Variants in CA10 observed in about 807,000 individuals in gnomAD.
The protein encoded by CA10 is carbonic anhydrase 10 (inactive).
A neutral mutation model predicts 44.2 loss-of-function variants in CA10; 14 were observed. The observed-to-expected ratio is 0.32, with a 90% CI of 0.21 to 0.50. CA10 has a LOEUF of 0.50. Among genes scored for constraint, CA10 ranks in the 20% least tolerant of loss-of-function variants. The pLI is 0.99. For missense variants in CA10, 350 were observed against 409.7 expected (o/e 0.85, Z 1.26); for synonymous variants, 159 against 141.6 (o/e 1.12, Z -0.87).
At chr17:51,802,067 G>A (rs2143719484) in intron 3 of CA10, among the ~76,000 whole-genome samples, 1 of 152,304 alleles carries the variant, frequency 6.6e-6, no homozygotes, top group African/African-American at 2.4e-5. Flanking sequence ...GGTGGAAAGT[G>A]ACTGCTTGGC....
intron 2 of CA10, among the ~76,000 whole-genome samples, chr17:52,055,513 T>C (rs1232852430): frequency 6.6e-6 from 1 of 152,096 alleles, no homozygotes; most frequent in Non-Finnish European, 1.5e-5. Flanking sequence ...CAGTTGATAT[T>C]AGAACAGCAT....
intron 2 of CA10, among the ~76,000 whole-genome samples, chr17:51,936,470 T>G (rs908221228): frequency 7.7e-6 from 1 of 129,478 alleles, no homozygotes; most frequent in African/African-American, 2.6e-5. Context: ...AAGTTGCTTC[T>G]AAACAGTGGC....
chr17:52,071,719 CAAAAGCAAGAGGACCATT>C (rs1221865634), intron 2 of CA10, among the ~76,000 whole-genome samples: 8 of 152,142 alleles, frequency 5.3e-5, no homozygotes, highest in Non-Finnish European at 2.9e-5. Context: ...ACTAAAGCAG[CAAAAGCAAGAGGACCATT>C]AAAAGCAAGA....
At chr17:52,130,203 T>C (rs1250031339) in intron 1 of CA10, among the ~76,000 whole-genome samples, 7 of 152,124 alleles carry the variant, frequency 4.6e-5, no homozygotes, top group Admixed American at 3.3e-4. Flanking sequence ...GCACTGTTGG[T>C]GAGAATGCAA....
intron 4 of CA10, among the ~76,000 whole-genome samples, chr17:51,731,350 C>A (rs1916711324): frequency 6.6e-6 from 1 of 152,094 alleles, no homozygotes; most frequent in Admixed American, 6.6e-5. Flanking sequence ...GCACTCCAGC[C>A]TGGCGACAGG....
chr17:51,936,309 CT>C (rs1982862200), intron 2 of CA10, among the ~76,000 whole-genome samples: 1 of 152,060 alleles, frequency 6.6e-6, no homozygotes, highest in African/African-American at 2.4e-5. Context: ...TTCTATATGT[CT>C]ATCTGTGTAA....
chr17:51,752,711 C>G (rs1351038530), intron 3 of CA10, among the ~76,000 whole-genome samples: 1 of 152,110 alleles, frequency 6.6e-6, no homozygotes, highest in African/African-American at 2.4e-5. Flanking sequence ...GGCGGATCAC[C>G]TGAGGTCAGG....
chr17:52,115,662 G>C (rs113859736), intron 1 of CA10, among the ~76,000 whole-genome samples: 3 of 152,036 alleles, frequency 2.0e-5, no homozygotes, highest in African/African-American at 4.8e-5. Context: ...GCAGCTCCCC[G>C]CCCCCCTCCC....
intron 3 of CA10, among the ~76,000 whole-genome samples, chr17:51,914,448 T>G (rs894377072): frequency 6.6e-6 from 1 of 152,102 alleles, no homozygotes; most frequent in Non-Finnish European, 1.5e-5. Flanking sequence ...CATTCAGAAA[T>G]GAAATTCACT....
intron 3 of CA10, among the ~76,000 whole-genome samples, chr17:51,912,714 C>T (rs530410566): frequency 2.4e-4 from 37 of 152,302 alleles, no homozygotes; most frequent in Admixed American, 7.2e-4. Flanking sequence ...TTATAAGAGG[C>T]TGTCAGAGGA....
chr17:51,695,540 A>G (rs1224229091), intron 4 of CA10, among the ~76,000 whole-genome samples: 1 of 152,190 alleles, frequency 6.6e-6, no homozygotes, highest in Non-Finnish European at 1.5e-5. Context: ...ACCTCACTGA[A>G]GTCATTTATC....
intron 3 of CA10, among the ~76,000 whole-genome samples, chr17:51,820,035 A>G (rs781556391): frequency 7.9e-5 from 12 of 152,058 alleles, no homozygotes; most frequent in African/African-American, 1.2e-4. Context: ...CTTAATCATT[A>G]TAAGAACCTG....
At chr17:51,777,300 G>A (rs1905860629) in intron 3 of CA10, among the ~76,000 whole-genome samples, 1 of 152,196 alleles carries the variant, frequency 6.6e-6, no homozygotes, top group African/African-American at 2.4e-5. Flanking sequence ...GGCCAGCTGA[G>A]AGATCAAGAA....
intron 3 of CA10, among the ~76,000 whole-genome samples, chr17:51,789,150 G>C (rs1050976384): frequency 3.9e-5 from 6 of 152,146 alleles, no homozygotes; most frequent in African/African-American, 1.4e-4. Flanking sequence ...GAGTAGCTGG[G>C]AACTACAAGC....
intron 1 of CA10, among the ~76,000 whole-genome samples, chr17:52,123,137 C>A (rs1271451680): frequency 3.5e-4 from 53 of 152,016 alleles, no homozygotes; most frequent in Non-Finnish European, 2.9e-5. Flanking sequence ...ACTCAGCCTG[C>A]CAAGCTTCAT....
chr17:51,713,441 T>C (rs925985921), intron 4 of CA10, among the ~76,000 whole-genome samples: 6 of 152,172 alleles, frequency 3.9e-5, no homozygotes, highest in Admixed American at 6.5e-5. Flanking sequence ...TTGAGGACAA[T>C]TGATGATGGT....
intron 1 of CA10, among the ~76,000 whole-genome samples, chr17:52,079,123 A>G (rs1015883762): frequency 6.6e-6 from 1 of 152,130 alleles, no homozygotes. Context: ...CGTCTCTACT[A>G]AAAATATAAA....
intron 2 of CA10, among the ~76,000 whole-genome samples, chr17:51,951,171 G>T (rs115823411): frequency 6.6e-6 from 1 of 152,106 alleles, no homozygotes; most frequent in African/African-American, 2.4e-5. Context: ...AAGTTCTCAG[G>T]TTCCTCCTCC....
At chr17:52,048,125 A>G (rs56673141) in intron 2 of CA10, among the ~76,000 whole-genome samples, 1,622 of 151,810 alleles carry the variant, frequency 0.011, 32 homozygotes, top group African/African-American at 0.037. Flanking sequence ...AAACTGGGGG[A>G]AAAAATGTCT....
Sources: allele counts gnomAD v4.1 joint callset (sites outside exome capture counted in the v4.1 genomes callset), GRCh38; gene constraint gnomAD v4.1.1; transcripts MANE v1.5; gene names NCBI Gene and HGNC (gene_info 2026-07-23, HGNC 2026-07-21).